The following CHRNA7 variants were observed in gnomAD, a reference collection of about 807,000 sequenced individuals.
CHRNA7 encodes cholinergic receptor nicotinic alpha 7 subunit, also known as neuronal acetylcholine receptor subunit alpha-7.
In CHRNA7, 17 loss-of-function variants were observed where a neutral mutation model predicts 48.0. The ratio of observed to expected loss-of-function variants is 0.35; its 90% confidence interval spans 0.24 to 0.53. The LOEUF (loss-of-function observed/expected upper bound fraction) is 0.53. CHRNA7 is among the 20% of genes least tolerant of loss of function. CHRNA7 has a pLI of 0.92. For synonymous variants in CHRNA7, 75 were observed against 242.3 expected (o/e 0.31, Z 6.41); for missense variants, 155 against 577.7 (o/e 0.27, Z 7.50).
At position 32,122,564 on chromosome 15, in the gene CHRNA7, C is replaced by A. The variant is rs376459479; in HGVS notation, c.350+10665C>A. The stretch of plus-strand genomic sequence containing the variant: ...CCTTTATGGCTTTGGGGTCCCAGAC[C>A]AGGAGACTATCCATTTATTCTACTA... On this transcript the variant is annotated intron_variant, in intron 4 of 9. Coordinates refer to ENST00000306901, the MANE Select transcript of CHRNA7 (RefSeq NM_000746.6). Among the ~76,000 whole-genome samples the A allele has an allele frequency of 8.5e-5, 13 of 152,076 alleles. No individual in the cohort carries two copies. In the East Asian group the frequency reaches 1.7e-3, roughly 20 times the overall value.
chr15:32,101,166 A>G, intron 2 of CHRNA7, 137 bp from the exon 3 acceptor site: 1 of 807,310 alleles, frequency 1.2e-6, no homozygotes, highest in South Asian at 1.7e-5. Flanking sequence ...GCTTGCATAT[A>G]TTGGAAGTGC....
At chr15:32,073,677 G>C (rs941071321) in intron 2 of CHRNA7, among the ~76,000 whole-genome samples, 1 of 152,112 alleles carries the variant, frequency 6.6e-6, no homozygotes, top group Non-Finnish European at 1.5e-5. Context: ...TGAATGGCTT[G>C]CTGCTCTCCC....
chr15:32,131,375 G>C (rs1212502581), intron 4 of CHRNA7, among the ~76,000 whole-genome samples: 1 of 143,758 alleles, frequency 7.0e-6, no homozygotes, highest in Admixed American at 6.9e-5. Flanking sequence ...TCTTTTTTTT[G>C]GTCTATTTTA....
At position 32,172,215 on chromosome 15, in the gene CHRNA7, CTTTA is replaced by C. The variant is rs1157953254; in HGVS notation, c.*3761_*3764del. ...ATTTTCAATAGAATGATTTATTCCA[CTTTA>C]TTTTCTATTTTATCCCATTGTATAA... On this transcript the variant is annotated 3_prime_UTR_variant, in exon 10 of 10. Transcript: ENST00000306901. The C allele has an allele frequency of 6.2e-5, 7 of 112,584 alleles. 2 individuals are homozygous for C. The highest frequency in any genetic ancestry group is 1.3e-4 in the Non-Finnish European group (6 of 47,838). 7.0% of individuals were successfully genotyped at this position (112,584 alleles called of 1,614,324 possible).
intron 4 of CHRNA7, among the ~76,000 whole-genome samples, chr15:32,140,257 C>A (rs576849284): frequency 1.8e-4 from 28 of 152,138 alleles, no homozygotes; most frequent in African/African-American, 6.3e-4. Flanking sequence ...TGAACTCATC[C>A]TTTTTTATGG....
chr15:32,114,031 T>C (rs180681861), intron 4 of CHRNA7, among the ~76,000 whole-genome samples: 1,632 of 93,532 alleles, frequency 0.017, 26 homozygotes, highest in Non-Finnish European at 0.025. Context: ...TATATATATA[T>C]ATATATATAT....
At chr15:32,106,079 G>A (rs567972823) in intron 3 of CHRNA7, among the ~76,000 whole-genome samples, 1 of 152,296 alleles carries the variant, frequency 6.6e-6, no homozygotes, top group Admixed American at 6.5e-5. Flanking sequence ...ACCTTCCATT[G>A]ATTGCTGTTC....
chr15:32,134,150 G>GT (rs2051204713), intron 4 of CHRNA7, among the ~76,000 whole-genome samples: 1 of 151,394 alleles, frequency 6.6e-6, no homozygotes, highest in Admixed American at 6.6e-5. Flanking sequence ...CTACATGTGG[G>GT]TTTTTTTGTG....
At chr15:32,032,214 A>G (rs558198225) in intron 2 of CHRNA7, among the ~76,000 whole-genome samples, 3 of 152,278 alleles carry the variant, frequency 2.0e-5, no homozygotes, top group South Asian at 2.1e-4. Flanking sequence ...TATTGAATGT[A>G]TATGTGATGA....
chr15:32,168,161 GGTA>G lies in CHRNA7; in HGVS notation c.1215_1217del (p.Val406del), dbSNP rs1197463747. 1.3e-6 allele frequency: 2 copies of G among 1,590,020 alleles called. No individual in the cohort carries two copies. The highest frequency in any genetic ancestry group is 2.7e-5 in the African/African-American group (2 of 73,150). On this transcript the variant is annotated inframe_deletion, in exon 10 of 10. Transcript: ENST00000306901. ...ACTGTGTCCCGACCCCCGACTCTGG[GGTA>G]GTGTGTGGCCGCATGGCCTGCTCCC... is the stretch of plus-strand genomic sequence containing the variant.
Position 32,030,995 on chromosome 15 carries a change from C to T in CHRNA7, c.153C>T (p.Leu51=), listed in dbSNP as rs148052103. 154 of 1,614,204 alleles carry T rather than the reference C, an allele frequency of 9.5e-5. 1 individual carries two copies. In the African/African-American group the frequency reaches 1.8e-3, roughly 19 times the overall value. ...CCGTGGCCAATGACTCGCAACCACT[C>T]ACCGTCTACTTCTCCCTGAGCCTCC... ...ERPVANDSQP[L]TVYFSLSLLQ... The change falls in exon 2 of 10, where the codon CTC becomes CTT. Residue 51 remains leucine (L), a synonymous_variant. Transcript: ENST00000306901.
At chr15:32,101,398 C>CA in intron 3 of CHRNA7, 51 bp downstream of exon 3, 3 of 1,536,808 alleles carry the variant, frequency 2.0e-6, no homozygotes, top group Non-Finnish European at 2.6e-6. Context: ...ATCTTGCACC[C>CA]AAGATTCTTG....
Position 32,169,562 on chromosome 15 carries a change from GGCAGGCA to G in CHRNA7, c.*1110_*1116del, listed in dbSNP as rs2052355758. ...TCCCTTCTCTGGATACCTGGCCAGT[GGCAGGCA>G]GCAGGGAGGAGCTGGCCGACCCTCA... On this transcript the variant is annotated 3_prime_UTR_variant, in exon 10 of 10. Transcript: ENST00000306901. 1 of 20,698 alleles carries G rather than the reference GGCAGGCA, an allele frequency of 4.8e-5. No homozygotes were observed. Among genetic ancestry groups the G allele is most frequent in the African/African-American group, 1.7e-4 (1 of 5,800 alleles). 1.3% of individuals were successfully genotyped at this position (20,698 alleles called of 1,614,324 possible).
chr15:32,064,503 A>ATGTG (rs1555375855), intron 2 of CHRNA7, among the ~76,000 whole-genome samples: 3 of 64,534 alleles, frequency 4.6e-5, no homozygotes, highest in Non-Finnish European at 1.0e-4. Flanking sequence ...ATGTGTGTGT[A>ATGTG]TGTGTGTGTG....
chr15:32,051,658 G>A (rs1357661399), intron 2 of CHRNA7, among the ~76,000 whole-genome samples: 2 of 152,190 alleles, frequency 1.3e-5, no homozygotes, highest in African/African-American at 4.8e-5. Flanking sequence ...TGCACCGACT[G>A]TGCTGCGCCC....
intron 2 of CHRNA7, among the ~76,000 whole-genome samples, chr15:32,070,526 G>A (rs1459750890): frequency 1.3e-5 from 2 of 151,810 alleles, no homozygotes; most frequent in Admixed American, 6.6e-5. Flanking sequence ...TTAGTGTCAT[G>A]TCCAAGAACA....
At chr15:32,034,397 T>C (rs961714137) in intron 2 of CHRNA7, among the ~76,000 whole-genome samples, 3 of 152,156 alleles carry the variant, frequency 2.0e-5, no homozygotes, top group Non-Finnish European at 4.4e-5. Context: ...AAGACCAATA[T>C]AGTACTGACC....
chr15:32,035,355 A>G (rs1394674098), intron 2 of CHRNA7, among the ~76,000 whole-genome samples: 1 of 152,240 alleles, frequency 6.6e-6, no homozygotes, highest in Non-Finnish European at 1.5e-5. Context: ...TTGGTTATGA[A>G]GCATGTCCAG....
intron 4 of CHRNA7, among the ~76,000 whole-genome samples, chr15:32,137,010 C>T (rs1321288127): frequency 9.1e-5 from 10 of 109,714 alleles, no homozygotes; most frequent in Admixed American, 1.4e-4. Context: ...CCAGCCTGGG[C>T]GACAGAGCGA....
Sources: allele counts gnomAD v4.1 joint callset (sites outside exome capture counted in the v4.1 genomes callset), GRCh38; gene constraint gnomAD v4.1.1; transcripts MANE v1.5; gene names NCBI Gene and HGNC (gene_info 2026-07-23, HGNC 2026-07-21).